DLG2: variants seen among roughly 807,000 people sequenced by gnomAD.
The protein encoded by DLG2 is disks large homolog 2.
DLG2 carries 45 observed loss-of-function variants against 132.5 expected under a neutral mutation model. The observed-to-expected ratio is 0.34, with a 90% confidence interval of 0.27 to 0.44. The LOEUF (loss-of-function observed/expected upper bound fraction) is 0.44, where lower values mean the gene tolerates loss of function less well. Ranked by LOEUF, DLG2 falls within the 20% of genes least tolerant of loss-of-function variation. The pLI is 1.00. For missense variants in DLG2, 1,045 were observed against 1,196.9 expected, an observed-to-expected ratio of 0.87 and a Z score of 1.87; for synonymous variants, 424 against 419.6, an observed-to-expected ratio of 1.01 and a Z score of -0.13.
At chr11:83,701,211 A>T (rs1311095180) in intron 18 of DLG2, among the ~76,000 whole-genome samples, 2 of 152,136 alleles carry the variant, frequency 1.3e-5, no homozygotes, top group South Asian at 2.1e-4. Context: ...ATCTGAACAC[A>T]AACTCTGTCA....
rs77858694 is a variant in DLG2 at position 83,911,745 on chromosome 11, G to A, written c.1496+18583C>T. ...AAAAGTGTTCTCTAATAAGGCTAGC[G>A]TTGTATAATGAATCAGCGAAAATAG... On this transcript the variant is annotated intron_variant, in intron 15 of 27. Transcript: ENST00000376104. 2.7e-4 allele frequency among the ~76,000 whole-genome samples: 41 copies of A among 152,168 alleles called. No homozygotes were observed. The East Asian group carries it at 3.7e-3, about 14-fold the overall frequency.
chr11:83,569,453 ATATAT>A (rs1463088048), intron 19 of DLG2, among the ~76,000 whole-genome samples: 1 of 152,164 alleles, frequency 6.6e-6, no homozygotes, highest in Non-Finnish European at 1.5e-5. Flanking sequence ...AGTCCTTTAC[ATATAT>A]TATATCCTTT....
intron 8 of DLG2, among the ~76,000 whole-genome samples, chr11:84,202,925 G>T (rs553245803): frequency 6.6e-6 from 1 of 152,058 alleles, no homozygotes; most frequent in Non-Finnish European, 1.5e-5. Flanking sequence ...ACCATCTCAC[G>T]CCAGTCAGAA....
At chr11:84,456,072 G>A (rs1223304000) in intron 7 of DLG2, among the ~76,000 whole-genome samples, 2 of 151,214 alleles carry the variant, frequency 1.3e-5, no homozygotes, top group South Asian at 2.1e-4. Flanking sequence ...CCTTCATGTC[G>A]CTTTGCATGA....
chr11:85,614,537 G>T (rs1453443528), intron 2 of DLG2, among the ~76,000 whole-genome samples: 1 of 152,156 alleles, frequency 6.6e-6, no homozygotes, highest in East Asian at 1.9e-4. Context: ...CTACTCAGGA[G>T]GCTGAGGCAG....
intron 6 of DLG2, among the ~76,000 whole-genome samples, chr11:84,828,834 G>A (rs1206743936): frequency 6.6e-6 from 1 of 151,700 alleles, no homozygotes; most frequent in Non-Finnish European, 1.5e-5. Context: ...GCTATGTGTT[G>A]GTATGCTCAA....
chr11:84,796,818 GATTTTTT>G (rs1482382872), intron 6 of DLG2, among the ~76,000 whole-genome samples: 2 of 149,508 alleles, frequency 1.3e-5, no homozygotes, highest in Non-Finnish European at 3.0e-5. Context: ...TTGTTTTTAT[GATTTTTT>G]ATTTTTTATT....
intron 11 of DLG2, 55 bp downstream of exon 11, chr11:84,059,260 A>G (rs1392406009): frequency 1.3e-6 from 2 of 1,562,970 alleles, no homozygotes; most frequent in East Asian, 2.3e-5. Context: ...CGTGGCATAA[A>G]CTTCAGTCAG....
chr11:84,488,743 C>T (rs993901354), intron 7 of DLG2, among the ~76,000 whole-genome samples: 6 of 151,950 alleles, frequency 3.9e-5, no homozygotes, highest in South Asian at 2.1e-4. Context: ...GATTCCTATA[C>T]GAGGTGAAGA....
chr11:84,170,051 G>T (rs555263356), intron 8 of DLG2, among the ~76,000 whole-genome samples: 1 of 152,082 alleles, frequency 6.6e-6, no homozygotes, highest in African/African-American at 2.4e-5. Context: ...GAGAGCACAG[G>T]TTGTATATTA....
At chr11:85,171,576 T>C (rs1476368732) in intron 4 of DLG2, among the ~76,000 whole-genome samples, 1 of 152,096 alleles carries the variant, frequency 6.6e-6, no homozygotes, top group Non-Finnish European at 1.5e-5. Flanking sequence ...CGCATTACGC[T>C]AGGAAGGGGG....
At chr11:83,650,666 G>A (rs895818658) in intron 18 of DLG2, among the ~76,000 whole-genome samples, 3 of 152,146 alleles carry the variant, frequency 2.0e-5, no homozygotes, top group African/African-American at 7.2e-5. Flanking sequence ...CCACCTGAAT[G>A]TGAACATATT....
At chr11:84,836,264 A>G (rs1023326421) in intron 6 of DLG2, among the ~76,000 whole-genome samples, 1 of 151,834 alleles carries the variant, frequency 6.6e-6, no homozygotes, top group Admixed American at 6.6e-5. Flanking sequence ...TATTTTTGTT[A>G]TAACACTGAA....
At chr11:84,027,237 GGATTTGGTTAA>G (rs1395540931) in intron 11 of DLG2, among the ~76,000 whole-genome samples, 6 of 152,040 alleles carry the variant, frequency 3.9e-5, no homozygotes, top group Non-Finnish European at 8.8e-5. Context: ...AATGGACATA[GGATTTGGTTAA>G]GATTTTATTA....
intron 3 of DLG2, among the ~76,000 whole-genome samples, chr11:85,525,853 A>C (rs939404572): frequency 3.9e-5 from 6 of 152,224 alleles, no homozygotes; most frequent in African/African-American, 1.4e-4. Context: ...TTTAAAGGAC[A>C]GAGACTAGAC....
At chr11:83,887,163 G>C (rs2068152309) in intron 15 of DLG2, among the ~76,000 whole-genome samples, 1 of 152,058 alleles carries the variant, frequency 6.6e-6, no homozygotes. Context: ...TCCAGGAGTT[G>C]GTTTTTTGAA....
At chr11:83,975,298 C>G (rs1002551884) in intron 12 of DLG2, among the ~76,000 whole-genome samples, 12 of 152,032 alleles carry the variant, frequency 7.9e-5, no homozygotes, top group Admixed American at 5.3e-4. Flanking sequence ...GAGACTACAA[C>G]ACTAAACCAC....
intron 7 of DLG2, among the ~76,000 whole-genome samples, chr11:84,330,769 C>T (rs773467184): frequency 6.6e-6 from 1 of 152,138 alleles, no homozygotes; most frequent in African/African-American, 2.4e-5. Flanking sequence ...AGTGTTCAGT[C>T]CCAGATTTTT....
intron 7 of DLG2, among the ~76,000 whole-genome samples, chr11:84,402,589 A>T (rs1007651463): frequency 2.0e-5 from 3 of 152,244 alleles, no homozygotes; most frequent in Middle Eastern, 3.4e-3. Flanking sequence ...AATAAAAAAA[A>T]ATTAACTCGG....
Sources: allele counts gnomAD v4.1 joint callset (sites outside exome capture counted in the v4.1 genomes callset), GRCh38; gene constraint gnomAD v4.1.1; transcripts MANE v1.5; gene names NCBI Gene and HGNC (gene_info 2026-07-23, HGNC 2026-07-21).